CDH18: variants seen among roughly 807,000 people sequenced by gnomAD.
CDH18 encodes cadherin 18, also known as cadherin-18.
CDH18 carries 31 observed loss-of-function variants against 67.9 expected under a neutral mutation model. The observed-to-expected ratio is 0.46, with a 90% confidence interval of 0.34 to 0.62. The LOEUF is 0.62. Among genes scored for constraint, CDH18 ranks in the 20% least tolerant of loss-of-function variants. The pLI is 0.01. For synonymous variants in CDH18, 362 were observed against 347.2 expected (o/e 1.04, Z -0.48); for missense variants, 890 against 975.5 (o/e 0.91, Z 1.17).
At chr5:20,516,417 A>G (rs1755372996) in intron 1 of CDH18, among the ~76,000 whole-genome samples, 1 of 152,048 alleles carries the variant, frequency 6.6e-6, no homozygotes, top group African/African-American at 2.4e-5. Context: ...AAGATAATTT[A>G]CTGCAAACAA....
At chr5:19,763,994 C>CAAAAAAAA (rs60958986) in intron 3 of CDH18, among the ~76,000 whole-genome samples, 3 of 65,302 alleles carry the variant, frequency 4.6e-5, no homozygotes, top group Non-Finnish European at 7.9e-5. Flanking sequence ...ACTAAAAATA[C>CAAAAAAAA]AAAAAAAAAA....
At chr5:20,561,140 T>TA (rs1262829072) in intron 1 of CDH18, among the ~76,000 whole-genome samples, 1 of 152,122 alleles carries the variant, frequency 6.6e-6, no homozygotes, top group Admixed American at 6.6e-5. Context: ...AACAGGAACT[T>TA]ACATGTTTTG....
intron 2 of CDH18, among the ~76,000 whole-genome samples, chr5:20,207,113 A>G (rs988792696): frequency 6.6e-6 from 1 of 152,030 alleles, no homozygotes; most frequent in Non-Finnish European, 1.5e-5. Context: ...AGACTACCCA[A>G]AACTGTCAGA....
At chr5:20,079,466 A>G (rs1030552791) in intron 2 of CDH18, among the ~76,000 whole-genome samples, 1 of 152,104 alleles carries the variant, frequency 6.6e-6, no homozygotes. Context: ...ATATTGATGG[A>G]TACTTGGGTT....
intron 10 of CDH18, among the ~76,000 whole-genome samples, chr5:19,508,615 A>T (rs890593039): frequency 1.3e-5 from 2 of 152,056 alleles, no homozygotes; most frequent in Non-Finnish European, 2.9e-5. Flanking sequence ...ATTACCAGGG[A>T]GTATTTTTGA....
chr5:19,971,828 G>T (rs574079757), intron 2 of CDH18, among the ~76,000 whole-genome samples: 7 of 149,254 alleles, frequency 4.7e-5, no homozygotes, highest in African/African-American at 1.7e-4. Context: ...AACGTAACTT[G>T]TGCCTCTAAA....
chr5:19,479,801 C>T (rs529333957), intron 12 of CDH18, among the ~76,000 whole-genome samples: 2 of 152,130 alleles, frequency 1.3e-5, no homozygotes, highest in African/African-American at 4.8e-5. Context: ...CTCAAATATG[C>T]TTTTACAGCA....
At chr5:19,640,257 A>T (rs976303327) in intron 5 of CDH18, among the ~76,000 whole-genome samples, 1 of 152,170 alleles carries the variant, frequency 6.6e-6, no homozygotes, top group Non-Finnish European at 1.5e-5. Context: ...TTTAAAAACT[A>T]ATCATTAAAA....
At chr5:20,496,499 C>T (rs1420476288) in intron 1 of CDH18, among the ~76,000 whole-genome samples, 1 of 151,874 alleles carries the variant, frequency 6.6e-6, no homozygotes, top group African/African-American at 2.4e-5. Flanking sequence ...ATTGAATATA[C>T]CATTATTTAA....
intron 2 of CDH18, among the ~76,000 whole-genome samples, chr5:20,115,392 C>T (rs1747813730): frequency 6.9e-6 from 1 of 145,848 alleles, no homozygotes; most frequent in African/African-American, 2.5e-5. Flanking sequence ...AATTCTCCTG[C>T]CTCAGCCTCC....
intron 1 of CDH18, among the ~76,000 whole-genome samples, chr5:20,551,137 A>G (rs570466341): frequency 1.5e-4 from 23 of 152,316 alleles, no homozygotes; most frequent in African/African-American, 4.6e-4. Flanking sequence ...ATCAGGAGTA[A>G]ATGTAAATCT....
intron 1 of CDH18, among the ~76,000 whole-genome samples, chr5:20,522,480 G>T (rs1010271924): frequency 9.9e-5 from 15 of 152,146 alleles, no homozygotes; most frequent in Non-Finnish European, 1.9e-4. Flanking sequence ...ATAGTTCACT[G>T]CACCTGAATA....
At chr5:20,224,837 C>T (rs1047753295) in intron 2 of CDH18, among the ~76,000 whole-genome samples, 2 of 152,032 alleles carry the variant, frequency 1.3e-5, no homozygotes, top group African/African-American at 4.8e-5. Flanking sequence ...AGAAAATTGA[C>T]AATTTCTTTA....
chr5:19,936,367 T>C (rs1794264835), intron 2 of CDH18, among the ~76,000 whole-genome samples: 2 of 151,284 alleles, frequency 1.3e-5, no homozygotes, highest in South Asian at 4.1e-4. Flanking sequence ...GGCTAAAAAT[T>C]AGGACAAAAT....
At chr5:20,333,283 C>T (rs1193178684) in intron 1 of CDH18, among the ~76,000 whole-genome samples, 2 of 151,752 alleles carry the variant, frequency 1.3e-5, no homozygotes, top group African/African-American at 4.8e-5. Flanking sequence ...CCGAGGCTGG[C>T]AGATCAGGAG....
chr5:20,419,526 A>C (rs1747674832), intron 1 of CDH18, among the ~76,000 whole-genome samples: 1 of 122,592 alleles, frequency 8.2e-6, no homozygotes, highest in Admixed American at 1.0e-4. Context: ...CCCAGGCTGG[A>C]GTGCAGTGGC....
At chr5:20,164,862 C>A (rs1736168574) in intron 2 of CDH18, among the ~76,000 whole-genome samples, 1 of 152,160 alleles carries the variant, frequency 6.6e-6, no homozygotes, top group Non-Finnish European at 1.5e-5. Flanking sequence ...CATAACCCAT[C>A]TCATATTGTT....
chr5:19,539,209 G>A (rs1439992335), intron 9 of CDH18, among the ~76,000 whole-genome samples: 1 of 152,002 alleles, frequency 6.6e-6, no homozygotes. Context: ...GCTCATTGAG[G>A]TGTTCTCCAA....
intron 5 of CDH18, among the ~76,000 whole-genome samples, chr5:19,708,981 C>A (rs1764332119): frequency 6.9e-6 from 1 of 145,152 alleles, no homozygotes; most frequent in Admixed American, 7.2e-5. Context: ...GCACTCCAGC[C>A]CGGGCAACAG....
Sources: allele counts gnomAD v4.1 joint callset (sites outside exome capture counted in the v4.1 genomes callset), GRCh38; gene constraint gnomAD v4.1.1; transcripts MANE v1.5; gene names NCBI Gene and HGNC (gene_info 2026-07-23, HGNC 2026-07-21).